Variants in PRAG1 observed in about 807,000 individuals in gnomAD.
The protein encoded by PRAG1 is PEAK1 related, kinase-activating pseudokinase 1.
Under a neutral mutation model 95.6 loss-of-function variants are expected in PRAG1, and 110 were observed. That is an observed-to-expected ratio of 1.15 (90% CI 0.99 to 1.35). The LOEUF is 1.35. Among genes scored for constraint, PRAG1 ranks in the 40% most tolerant of loss-of-function variants. The pLI is 0.00. For synonymous variants in PRAG1, 1,052 were observed against 819.4 expected (o/e 1.28, Z -4.85); for missense variants, 2,554 against 1,864.7 (o/e 1.37, Z -6.81).
chr8:8,381,668 G>C lies in PRAG1; in HGVS notation c.80C>G (p.Pro27Arg), dbSNP rs1310270739. ...GCAGAAGCAGTTCTTGCAGGACCCG[G>C]GTTTCCAGATGTGCTCCACAAAGTC... ...CSDFVEHIWK[P>R]GSCKNCFCLR... The change falls in exon 2 of 6, where the codon CCC becomes CGC. Residue 27 changes from proline (P) to arginine (R), a missense_variant. Transcript: ENST00000615670. 1 of 1,613,780 alleles carries C rather than the reference G, an allele frequency of 6.2e-7. No homozygotes were observed. Among genetic ancestry groups the C allele is most frequent in the Admixed American group, 1.7e-5 (1 of 60,006 alleles).
chr8:8,329,085 T>C (rs1010386719), intron 4 of PRAG1, among the ~76,000 whole-genome samples: 1 of 152,170 alleles, frequency 6.6e-6, no homozygotes, highest in Non-Finnish European at 1.5e-5. Context: ...AGGGTGTAAC[T>C]GGCCAATGGT....
chr8:8,351,325 C>T (rs1164403697), intron 3 of PRAG1, among the ~76,000 whole-genome samples: 3 of 152,118 alleles, frequency 2.0e-5, no homozygotes, highest in Non-Finnish European at 1.5e-5. Flanking sequence ...GAAATTCGCT[C>T]CCATGGTCGA....
intron 4 of PRAG1, among the ~76,000 whole-genome samples, chr8:8,336,964 G>A (rs553311173): frequency 3.2e-5 from 4 of 125,574 alleles, no homozygotes; most frequent in Non-Finnish European, 4.7e-5. Context: ...AGCCATTAAC[G>A]CTGATACATT....
At chr8:8,334,085 A>G (rs989368156) in intron 4 of PRAG1, among the ~76,000 whole-genome samples, 1 of 152,190 alleles carries the variant, frequency 6.6e-6, no homozygotes, top group Admixed American at 6.5e-5. Flanking sequence ...AAGTTTTGCA[A>G]TCTCTTGTTT....
In PRAG1 at chr8:8,373,483, T is replaced by C. The variant is rs538381650; in HGVS notation, c.2162+2764A>G. 4.9e-5 allele frequency among the ~76,000 whole-genome samples: 7 copies of C among 141,702 alleles called. 1 individual carries two copies. The South Asian group carries it at 1.6e-3, about 32-fold the overall frequency. The allele number at this position is 141,702 out of a possible 152,430, so 93.0% of individuals were successfully genotyped here. On this transcript the variant is annotated intron_variant, in intron 3 of 5. Transcript: ENST00000615670. ...TTTTTTTTTTGAGACAGGGTCTTGC[T>C]CTGTTGCTCAGGCAGGAGTACAGTG...
chr8:8,317,999 T>C lies in PRAG1; in HGVS notation c.*155A>G, dbSNP rs776997241. On this transcript the variant is annotated 3_prime_UTR_variant, in exon 6 of 6. Transcript: ENST00000615670. ...ATCCTTAGTCTTTCATATTTATATA[T>C]GGTATATGTATTTTCTATATATATA... 3 of 507,656 alleles carry C rather than the reference T, an allele frequency of 5.9e-6. No individual in the cohort carries two copies. Among genetic ancestry groups the C allele is most frequent in the Non-Finnish European group, 9.2e-6 (3 of 326,190 alleles). The allele number at this position is 507,656 out of a possible 1,614,324, so 31.4% of individuals were successfully genotyped here. A position where few individuals can be genotyped will look rare whatever the true frequency, so the allele number is the denominator to read the frequency against.
At chr8:8,340,325 GAA>G in intron 3 of PRAG1, among the ~76,000 whole-genome samples, 1 of 152,188 alleles carries the variant, frequency 6.6e-6, no homozygotes, top group East Asian at 1.9e-4. Context: ...AACTTCAAGA[GAA>G]AAACACTCAC....
At chr8:8,371,924 G>C (rs1298119950) in intron 3 of PRAG1, among the ~76,000 whole-genome samples, 2 of 152,058 alleles carry the variant, frequency 1.3e-5, no homozygotes, top group Non-Finnish European at 1.5e-5. Flanking sequence ...TTTTTCTTTT[G>C]ATTAGTCTCA....
chr8:8,334,267 T>A (rs1341818962), intron 4 of PRAG1, among the ~76,000 whole-genome samples: 1 of 152,026 alleles, frequency 6.6e-6, no homozygotes, highest in Non-Finnish European at 1.5e-5. Flanking sequence ...TGAAACCCTG[T>A]CTCTACTAAA....
chr8:8,349,823 A>G (rs17150353), intron 3 of PRAG1, among the ~76,000 whole-genome samples: 20,861 of 151,794 alleles, frequency 0.14, 1,810 homozygotes, highest in East Asian at 0.28. Flanking sequence ...TGCACTAGTG[A>G]CTCTTCTGGA....
chr8:8,367,340 C>T (rs1307418285), intron 3 of PRAG1, among the ~76,000 whole-genome samples: 1 of 151,236 alleles, frequency 6.6e-6, no homozygotes, highest in Non-Finnish European at 1.5e-5. Context: ...CGCCTGTAAT[C>T]CCAGCTACTC....
At position 8,318,685 on chromosome 8, in the gene PRAG1, C is replaced by T. The variant is rs1362199483; in HGVS notation, c.3690G>A (p.Leu1230=). The T allele has an allele frequency of 1.2e-6, 2 of 1,611,446 alleles. No individual in the cohort carries two copies. The highest frequency in any genetic ancestry group is 1.7e-6 in the Non-Finnish European group (2 of 1,179,748). ...GCCGGGCCTGGCTCTTCTTCTGCTG[C>T]AGGTTTGGGGTGCCGCCCGGCTTCT... The part of the protein sequence containing the change: ...AKQKPGGTPN[L]QQKKSQARLA... Residue 1230 remains leucine (L), a synonymous_variant, in exon 6 of 6, where the codon CTG becomes CTA. Transcript: ENST00000615670. This position sits in a 1 kb window ranked among gnomAD's most constrained non-coding sequence, Gnocchi z 4.2.
At chr8:8,336,905 CTT>C (rs1409469290) in intron 4 of PRAG1, among the ~76,000 whole-genome samples, 9 of 82,146 alleles carry the variant, frequency 1.1e-4, no homozygotes, top group African/African-American at 3.3e-4. Context: ...CCCCACACCC[CTT>C]TCCCCCCTCC....
intron 3 of PRAG1, among the ~76,000 whole-genome samples, chr8:8,351,420 T>C (rs1799518392): frequency 6.6e-6 from 1 of 152,206 alleles, no homozygotes; most frequent in African/African-American, 2.4e-5. Context: ...CCAAACCATA[T>C]GACTGAGTAA....
At chr8:8,353,398 G>C (rs1378697682) in intron 3 of PRAG1, among the ~76,000 whole-genome samples, 1 of 151,962 alleles carries the variant, frequency 6.6e-6, no homozygotes, top group Non-Finnish European at 1.5e-5. Context: ...ACAATAATAT[G>C]AGGAATTTTG....
chr8:8,367,458 C>CAAAA (rs1158165514), intron 3 of PRAG1, among the ~76,000 whole-genome samples: 3 of 26,252 alleles, frequency 1.1e-4, no homozygotes, highest in Non-Finnish European at 1.3e-4. Flanking sequence ...GACTCCATCT[C>CAAAA]AAAAAAAAAA....
chr8:8,342,647 C>G (rs1585238580), intron 3 of PRAG1, among the ~76,000 whole-genome samples: 2 of 152,082 alleles, frequency 1.3e-5, no homozygotes, highest in East Asian at 3.9e-4. Flanking sequence ...TTCCAGGACA[C>G]AGACCCAAGA....
Position 8,376,623 on chromosome 8 carries a change from C to T in PRAG1, c.1786G>A (p.Ala596Thr), listed in dbSNP as rs762359449. The T allele has an allele frequency of 1.0e-5, 16 of 1,603,520 alleles. No individual in the cohort carries two copies. In the East Asian group the frequency reaches 1.6e-4, roughly 16 times the overall value. ...ACACCGTTGGTCCGGCAGGAAGGAG[C>T]GGGGTCAGCAGGACCTTGGGATGGA... is the stretch of plus-strand genomic sequence containing the variant. ...QPPSQGPADP[A>T]PSCRTNGVAI... Residue 596 changes from alanine to threonine, a missense_variant, in exon 3 of 6, where the codon GCT becomes ACT. By Grantham distance (58) the Ala-to-Thr change is moderately conservative (BLOSUM62 0). Coordinates refer to ENST00000615670, the MANE Select transcript of PRAG1 (RefSeq NM_001080826.3).
chr8:8,339,631 G>A lies in PRAG1; in HGVS notation c.2167C>T (p.Leu723Phe), dbSNP rs1799103276. Reference sequence around the variant, plus strand: ...GAGCTGCTCTTGTTCATTTTTAGAAGGTGCCTGGAAAAGGTAGGAACAAAC... The same window carrying A: ...GAGCTGCTCTTGTTCATTTTTAGAAAGTGCCTGGAAAAGGTAGGAACAAAC... ...PPPPPPKSRH[L>F]LKMNKSSSDL... The change falls in exon 4 of 6, where the codon CTT (leucine) becomes TTT (phenylalanine). Residue 723 changes from leucine (L) to phenylalanine (F), a missense_variant. Leu to Phe is a conservative substitution (Grantham distance 22). Coordinates refer to ENST00000615670, the MANE Select transcript of PRAG1 (RefSeq NM_001080826.3). The A allele has an allele frequency of 5.0e-6, 8 of 1,611,004 alleles. No individual in the cohort carries two copies. Among genetic ancestry groups the A allele is most frequent in the Non-Finnish European group, 5.1e-6 (6 of 1,177,556 alleles).
Sources: allele counts gnomAD v4.1 joint callset (sites outside exome capture counted in the v4.1 genomes callset), GRCh38; gene constraint gnomAD v4.1.1; non-coding constraint Gnocchi (gnomAD v3.1); transcripts MANE v1.5; gene names NCBI Gene and HGNC (gene_info 2026-07-23, HGNC 2026-07-21).